The following HTATSF1 variants were observed in gnomAD, a reference collection of about 807,000 sequenced individuals.
The protein encoded by HTATSF1 is 17S U2 SnRNP complex component HTATSF1.
A neutral mutation model predicts 46.1 loss-of-function variants in HTATSF1; 6 were observed. The ratio of observed to expected loss-of-function variants is 0.13; its 90% CI spans 0.07 to 0.26. The LOEUF (loss-of-function observed/expected upper bound fraction) is 0.26. Among genes scored for constraint, HTATSF1 ranks in the 10% least tolerant of loss-of-function variants. The probability of loss-of-function intolerance (pLI) is 1.00; values close to 1 mark genes in which losing one functional copy is unlikely to be tolerated. For missense variants in HTATSF1, 452 were observed against 559.9 expected (o/e 0.81, Z 1.94); for synonymous variants, 226 against 211.5 (o/e 1.07, Z -0.60).
At chrX:136,505,275 A>C (rs1001332653) in intron 6 of HTATSF1, among the ~76,000 whole-genome samples, 1 of 112,120 alleles carries the variant, frequency 8.9e-6, no homozygotes, top group Non-Finnish European at 1.9e-5. Context: ...ATTAGTGCCC[A>C]TTCCTGACCC....
chrX:136,500,334 A>G, intron 3 of HTATSF1, 129 bp downstream of exon 3: 2 of 521,974 alleles, frequency 3.8e-6, no homozygotes, highest in Non-Finnish European at 6.6e-6. Flanking sequence ...TTGTTCAGCC[A>G]TTTATATTAG....
intron 6 of HTATSF1, 54 bp downstream of exon 6, chrX:136,504,517 A>G: frequency 3.1e-6 from 3 of 963,762 alleles, no homozygotes; most frequent in South Asian, 4.3e-5. Context: ...TTTTCTCTCA[A>G]GGGAGCCTGG....
Position 136,510,118 on chromosome X carries a change from G to T in HTATSF1, c.961G>T (p.Asp321Tyr), listed in dbSNP as rs749359148. Residue 321 changes from aspartate (D) to tyrosine (Y), a missense_variant, in exon 8 of 9, where the codon GAT becomes TAT. Coordinates refer to ENST00000218364, the MANE Select transcript of HTATSF1 (RefSeq NM_014500.5). ...TGGTGTGGCCTCTGTGTCCTTTCGG[G>T]ATCCAGAGGAAGCTGATTATTGTAT... ...PDGVASVSFR[D>Y]PEEADYCIQT... The T allele has an allele frequency of 5.0e-6, 6 of 1,205,813 alleles. No individual in the cohort carries two copies. In the South Asian group the frequency reaches 1.1e-4, roughly 21 times the overall value.
In HTATSF1 at chrX:136,511,346, G is replaced by C; in HGVS notation, c.1601G>C (p.Gly534Ala). The change falls in exon 9 of 9, where the codon GGC becomes GCC. Residue 534 changes from glycine to alanine, a missense_variant. Gly to Ala is a moderately conservative substitution (Grantham distance 60). Transcript: ENST00000218364. Reference protein sequence around the residue: ...DLNKESEEEVGPTKESEEDDS... With the variant: ...DLNKESEEEVAPTKESEEDDS... ...AACAAGGAGTCTGAAGAGGAGGTTG[G>C]CCCCACAAAAGAGTCCGAAGAAGAT... The C allele has an allele frequency of 8.3e-7, 1 of 1,208,237 alleles. No individual in the cohort carries two copies. Among genetic ancestry groups the C allele is most frequent in the Non-Finnish European group, 1.1e-6 (1 of 894,430 alleles).
chrX:136,506,412 A>G (rs772990587), intron 6 of HTATSF1, among the ~76,000 whole-genome samples: 47 of 111,646 alleles, frequency 4.2e-4, no homozygotes, highest in African/African-American at 1.5e-3. Flanking sequence ...CTCGTCTACT[A>G]GAATGTGAGC....
chrX:136,512,003 A>G lies in HTATSF1; in HGVS notation c.2258A>G (p.Asp753Gly), dbSNP rs1460953045. 2.5e-6 allele frequency: 3 copies of G among 1,200,806 alleles called. No individual in the cohort carries two copies. In the South Asian group the frequency reaches 5.5e-5, roughly 22 times the overall value. Reference sequence around the variant, plus strand: ...ATTCTCAGTAGCGATGATGATGACGATGATATTTAATCCCTTAAACTTGCT... The same window carrying G: ...ATTCTCAGTAGCGATGATGATGACGGTGATATTTAATCCCTTAAACTTGCT... ...SFILSSDDDD[D>G]DI is the part of the protein sequence containing the mutation. Residue 753 changes from aspartate to glycine, a missense_variant, in exon 9 of 9, where the codon GAT becomes GGT. Coordinates refer to ENST00000218364, the MANE Select transcript of HTATSF1 (RefSeq NM_014500.5).
chrX:136,503,362 G>T (rs2075727898), intron 5 of HTATSF1, among the ~76,000 whole-genome samples: 1 of 112,041 alleles, frequency 8.9e-6, no homozygotes, highest in Non-Finnish European at 1.9e-5. Flanking sequence ...GTTGTATGTA[G>T]TATATACATA....
chrX:136,511,807 G>A lies in HTATSF1; in HGVS notation c.2062G>A (p.Glu688Lys), dbSNP rs1174013475. 8.3e-7 allele frequency: 1 copy of A among 1,211,541 alleles called. No homozygotes were observed. Among genetic ancestry groups the A allele is most frequent in the South Asian group, 1.8e-5 (1 of 56,976 alleles). ...GGAAGATGAAGATGCAGATGGAAAG[G>A]AAGTTGAAGATGCTGACGAAAAGTT... Reference protein sequence around the residue: ...DKEDEDADGKEVEDADEKLFE... With the variant: ...DKEDEDADGKKVEDADEKLFE... Residue 688 changes from glutamate to lysine, a missense_variant, in exon 9 of 9, where the codon GAA (glutamate) becomes AAA (lysine). Physicochemically the swap from Glu to Lys is moderately conservative, Grantham distance 56. Transcript: ENST00000218364.
rs747349330 is a variant in HTATSF1, at chrX:136,512,232, C to T, written c.*219C>T. On this transcript the variant is annotated 3_prime_UTR_variant, in exon 9 of 9. Transcript: ENST00000218364. ...AGTTACAATGCAAGTAAACTGGATA[C>T]TTGTTCTTTTGTCAGATTTGTTAAA... is the stretch of plus-strand genomic sequence containing the variant. 5 of 305,832 alleles carry T rather than the reference C, an allele frequency of 1.6e-5. No individual in the cohort carries two copies. Among genetic ancestry groups the T allele is most frequent in the African/African-American group, 1.1e-4 (4 of 36,782 alleles). The allele number at this position is 305,832 out of a possible 1,213,427, so 25.2% of individuals were successfully genotyped here.
At chrX:136,507,534 C>T (rs1055634829) in intron 6 of HTATSF1, among the ~76,000 whole-genome samples, 4 of 107,226 alleles carry the variant, frequency 3.7e-5, no homozygotes, top group African/African-American at 7.0e-5. Flanking sequence ...GCACTCCAGC[C>T]TGGGCAACAG....
chrX:136,510,663 T>G lies in HTATSF1; in HGVS notation c.1063-145T>G, dbSNP rs1029683621. On this transcript the variant is annotated intron_variant, in intron 8 of 8. Coordinates refer to ENST00000218364, the MANE Select transcript of HTATSF1 (RefSeq NM_014500.5). The stretch of plus-strand genomic sequence containing the variant: ...ACTCTAGTAAATCAAGATGTAAAGT[T>G]TTGAAAACTGAAGATGGAATTGCTT... 42 of 687,709 alleles carry G rather than the reference T, an allele frequency of 6.1e-5. No individual in the cohort carries two copies. In the African/African-American group the frequency reaches 6.7e-4, roughly 11 times the overall value. The allele number at this position is 687,709 out of a possible 1,213,427, so 56.7% of individuals were successfully genotyped here.
chrX:136,510,891 T>A lies in HTATSF1; in HGVS notation c.1146T>A (p.Leu382=). ...ATGCTCCTGAGGCCAACAGAGGCCT[T>A]AGGCGTTCAGATTCTGTCTCTGCTT... is the stretch of plus-strand genomic sequence containing the variant. ...FLNAPEANRG[L]RRSDSVSASE... is the part of the protein sequence containing the mutation. The change falls in exon 9 of 9, where the codon CTT becomes CTA. Residue 382 remains leucine (L), a synonymous_variant. Transcript: ENST00000218364. The A allele has an allele frequency of 8.3e-7, 1 of 1,210,546 alleles. No homozygotes were observed. Among genetic ancestry groups the A allele is most frequent in the Non-Finnish European group, 1.1e-6 (1 of 894,513 alleles).
chrX:136,511,799 A>ATGG lies in HTATSF1; in HGVS notation c.2055_2057dup (p.Gly686dup), dbSNP rs1325501206. On this transcript the variant is annotated inframe_insertion, in exon 9 of 9. Coordinates refer to ENST00000218364, the MANE Select transcript of HTATSF1 (RefSeq NM_014500.5). ...GATGACAAGGAAGATGAAGATGCAG[A>ATGG]TGGAAAGGAAGTTGAAGATGCTGAC... 1 of 1,210,112 alleles carries ATGG rather than the reference A, an allele frequency of 8.3e-7. No homozygotes were observed. Among genetic ancestry groups the ATGG allele is most frequent in the African/African-American group, 1.7e-5 (1 of 57,215 alleles).
In HTATSF1 at chrX:136,511,451, G is replaced by A. The variant is rs2075767495; in HGVS notation, c.1706G>A (p.Gly569Asp). 8.3e-7 allele frequency: 1 copy of A among 1,208,895 alleles called. No individual in the cohort carries two copies. Among genetic ancestry groups the A allele is most frequent in the African/African-American group, 1.8e-5 (1 of 56,978 alleles). The change falls in exon 9 of 9, where the codon GGT (glycine) becomes GAT (aspartate). Residue 569 changes from glycine to aspartate, a missense_variant. This residue lies in a region of HTATSF1 where 246 missense variants were observed against 245.3 expected (regional missense o/e 1.00). Transcript: ENST00000218364. Reference protein sequence around the residue: ...DGSEREFEENGLEKDLDEEGS... With the variant: ...DGSEREFEENDLEKDLDEEGS... ...TCCGAAAGAGAATTTGAAGAAAATG[G>A]TCTCGAGAAAGATTTGGACGAGGAA... is the stretch of plus-strand genomic sequence containing the variant.
At chrX:136,497,945 C>T in intron 1 of HTATSF1, 75 bp downstream of exon 1, 2 of 836,141 alleles carry the variant, frequency 2.4e-6, no homozygotes. Context: ...TTTACGTTTG[C>T]TTTGCTGAGA....
chrX:136,511,894 T>C lies in HTATSF1; in HGVS notation c.2149T>C (p.Leu717=), dbSNP rs769255808. 5.8e-6 allele frequency: 7 copies of C among 1,209,748 alleles called. No individual in the cohort carries two copies. The East Asian group carries it at 2.1e-4, about 36-fold the overall frequency. The part of the protein sequence containing the change: ...FDEEEDSSEK[L]FDDSDERGTL... Reference sequence around the variant, plus strand: ...TGAGGAGGAAGATTCCAGTGAGAAGTTGTTTGACGATTCTGATGAGAGGGG... The same window carrying C: ...TGAGGAGGAAGATTCCAGTGAGAAGCTGTTTGACGATTCTGATGAGAGGGG... Residue 717 remains leucine, a synonymous_variant, in exon 9 of 9, where the codon TTG becomes CTG. Coordinates refer to ENST00000218364, the MANE Select transcript of HTATSF1 (RefSeq NM_014500.5).
At chrX:136,499,853 C>A in intron 2 of HTATSF1, 75 bp downstream of exon 2, 1 of 769,520 alleles carries the variant, frequency 1.3e-6, no homozygotes, top group Non-Finnish European at 1.8e-6. Context: ...GTTGCTTTTT[C>A]GAGAATTATA....
intron 6 of HTATSF1, among the ~76,000 whole-genome samples, chrX:136,507,553 T>C: frequency 9.6e-6 from 1 of 103,795 alleles, no homozygotes; most frequent in African/African-American, 3.9e-5. Context: ...AGAGTAAGAC[T>C]CTGTCTTCAA....
chrX:136,506,435 A>G (rs1569354487), intron 6 of HTATSF1, among the ~76,000 whole-genome samples: 2 of 109,402 alleles, frequency 1.8e-5, no homozygotes, highest in Admixed American at 9.9e-5. Context: ...CATGACACCC[A>G]GTATTTTGTC....
Sources: allele counts gnomAD v4.1 joint callset (sites outside exome capture counted in the v4.1 genomes callset), GRCh38; gene constraint gnomAD v4.1.1; regional missense constraint gnomAD v4.1.1; transcripts MANE v1.5; gene names NCBI Gene and HGNC (gene_info 2026-07-23, HGNC 2026-07-21).